Variants in ADD1 observed in about 807,000 individuals in gnomAD.
ADD1 encodes the protein adducin 1.
ADD1 carries 24 observed loss-of-function variants against 80.5 expected under a neutral mutation model. The observed-to-expected ratio is 0.30, with a 90% CI of 0.22 to 0.42. The LOEUF is 0.42. Among genes scored for constraint, ADD1 ranks in the 10% least tolerant of loss-of-function variants. The pLI, the probability that ADD1 is intolerant of heterozygous loss-of-function variation, is 1.00. For missense variants in ADD1, 948 were observed against 1,019.0 expected (o/e 0.93, Z 0.95); for synonymous variants, 373 against 393.8 (o/e 0.95, Z 0.63).
intron 1 of ADD1, among the ~76,000 whole-genome samples, chr4:2,863,853 G>C (rs961732776): frequency 6.6e-6 from 1 of 152,098 alleles, no homozygotes; most frequent in Non-Finnish European, 1.5e-5. Flanking sequence ...ACAGTCATGA[G>C]CCACTGTGCC....
intron 1 of ADD1, among the ~76,000 whole-genome samples, chr4:2,860,584 T>C (rs949904802): frequency 1.3e-5 from 2 of 152,216 alleles, no homozygotes; most frequent in Non-Finnish European, 2.9e-5. Context: ...TGTTCTTCCA[T>C]ATGTATTAAT....
intron 13 of ADD1, among the ~76,000 whole-genome samples, chr4:2,912,729 G>C (rs1249481013): frequency 6.6e-6 from 1 of 152,086 alleles, no homozygotes; most frequent in Non-Finnish European, 1.5e-5. Context: ...GTCTCACTAT[G>C]TTGCCCAGGC....
At chr4:2,862,023 T>C (rs56084393) in intron 1 of ADD1, among the ~76,000 whole-genome samples, 2 of 152,118 alleles carry the variant, frequency 1.3e-5, no homozygotes, top group Admixed American at 1.3e-4. Context: ...AGCCAAAAGA[T>C]TGGACACCCC....
At chr4:2,923,832 C>T (rs976435741) in intron 14 of ADD1, among the ~76,000 whole-genome samples, 1 of 152,354 alleles carries the variant, frequency 6.6e-6, no homozygotes, top group Non-Finnish European at 1.5e-5. Flanking sequence ...TCAGACAGGG[C>T]GGCTCGCGAG....
In ADD1 at chr4:2,908,354, C is replaced by T. The variant is rs569300732; in HGVS notation, c.1609-161C>T. Among the ~76,000 whole-genome samples the T allele has an allele frequency of 4.6e-5, 7 of 152,346 alleles. No homozygotes were observed. The East Asian group carries it at 5.8e-4, about 13-fold the overall frequency. On this transcript the variant is annotated intron_variant, in intron 11 of 15. Coordinates refer to ENST00000683351, the MANE Select transcript of ADD1 (RefSeq NM_001354761.2). ...CCCACGCCCCACTAAGCAGGCATGGCGGTCACTCAGAACACATGGGGCCAT... is the reference window on the plus strand; with the variant it reads ...CCCACGCCCCACTAAGCAGGCATGGTGGTCACTCAGAACACATGGGGCCAT...
chr4:2,852,189 T>TCCTTTC (rs371676635), intron 1 of ADD1, among the ~76,000 whole-genome samples: 1 of 50,828 alleles, frequency 2.0e-5, no homozygotes, highest in South Asian at 9.6e-4. Context: ...TTTCTTTCTT[T>TCCTTTC]CTTTCTTTCC....
intron 1 of ADD1, among the ~76,000 whole-genome samples, chr4:2,869,989 C>T (rs566531397): frequency 2.0e-5 from 3 of 152,308 alleles, no homozygotes; most frequent in Admixed American, 1.3e-4. Context: ...TTTGGGTCCT[C>T]TAGCAGGCAT....
chr4:2,845,326 C>T (rs1019124504), intron 1 of ADD1, among the ~76,000 whole-genome samples: 1 of 152,174 alleles, frequency 6.6e-6, no homozygotes, highest in Admixed American at 6.5e-5. Flanking sequence ...CCGCCTAGGC[C>T]TCCAAAAGTG....
intron 4 of ADD1, among the ~76,000 whole-genome samples, chr4:2,892,357 G>C (rs1734429471): frequency 6.6e-6 from 1 of 152,136 alleles, no homozygotes; most frequent in South Asian, 2.1e-4. Flanking sequence ...ATAAAAACTA[G>C]AATGAATATT....
chr4:2,845,525 G>C (rs777283972), intron 1 of ADD1, among the ~76,000 whole-genome samples: 2 of 152,198 alleles, frequency 1.3e-5, no homozygotes, highest in Admixed American at 6.5e-5. Context: ...GGTATGATTT[G>C]TTAGTTTTCT....
chr4:2,885,662 T>G (rs997392460), intron 4 of ADD1, among the ~76,000 whole-genome samples: 1 of 151,764 alleles, frequency 6.6e-6, no homozygotes, highest in South Asian at 2.1e-4. Flanking sequence ...CAGGCTGGAG[T>G]GCAGTGGTGC....
At chr4:2,869,598 A>T (rs1730104025) in intron 1 of ADD1, among the ~76,000 whole-genome samples, 1 of 152,102 alleles carries the variant, frequency 6.6e-6, no homozygotes, top group African/African-American at 2.4e-5. Flanking sequence ...ATCCTCTCTC[A>T]GTTCTTTCTA....
At chr4:2,907,936 A>G in intron 11 of ADD1, 92 bp downstream of exon 11, 2 of 972,214 alleles carry the variant, frequency 2.1e-6, no homozygotes, top group South Asian at 2.6e-5. Context: ...TGCTTCTAGC[A>G]GAGGGCATCT....
chr4:2,852,721 CAG>C (rs1260151669), intron 1 of ADD1, among the ~76,000 whole-genome samples: 1 of 118,504 alleles, frequency 8.4e-6, no homozygotes, highest in Non-Finnish European at 1.7e-5. Flanking sequence ...TTTTTGGAGA[CAG>C]AGTCTTGCTC....
chr4:2,905,007 A>C lies in ADD1; in HGVS notation c.1405A>C (p.Lys469Gln). Residue 469 changes from lysine to glutamine, a missense_variant, in exon 10 of 16, where the codon AAG becomes CAG. By Grantham distance (53) the Lys-to-Gln change is moderately conservative. Coordinates refer to ENST00000683351, the MANE Select transcript of ADD1 (RefSeq NM_001354761.2). ...EGQNGSSPKSKTKVWTNITHD... is the reference protein window; with the variant it reads ...EGQNGSSPKSQTKVWTNITHD... ...GCAGAATGGAAGCAGTCCCAAGTCG[A>C]AGACTAAGGTGTGGACGAACATTAC... is the stretch of plus-strand genomic sequence containing the variant. The C allele has an allele frequency of 6.2e-7, 1 of 1,614,210 alleles. No homozygotes were observed. The highest frequency in any genetic ancestry group is 8.5e-7 in the Non-Finnish European group (1 of 1,180,034).
chr4:2,926,033 A>C lies in ADD1; in HGVS notation c.1968A>C (p.Arg656Ser). ...CTGCAGAGAATCTGGACGAGGCTAG[A>C]GAACAGAAAGAAAAGAGTCCTCCAG... ...KGSEENLDEA[R>S]EQKEKSPPDQ... The change falls in exon 15 of 16, where the codon AGA (arginine) becomes AGC (serine). Residue 656 changes from arginine to serine, a missense_variant. Coordinates refer to ENST00000683351, the MANE Select transcript of ADD1 (RefSeq NM_001354761.2). The surrounding 1 kb of genome is among the most constrained non-coding windows in gnomAD (Gnocchi z 5.0). The C allele has an allele frequency of 6.2e-7, 1 of 1,614,144 alleles. No individual in the cohort carries two copies. The highest frequency in any genetic ancestry group is 2.2e-5 in the East Asian group (1 of 44,868).
chr4:2,897,565 T>A (rs59692453), intron 6 of ADD1, among the ~76,000 whole-genome samples: 25,225 of 130,146 alleles, frequency 0.19, 2,489 homozygotes, highest in East Asian at 0.47. Flanking sequence ...TTTTTTTTTT[T>A]AGGAGATGAG....
chr4:2,907,998 C>T (rs1260731839), intron 11 of ADD1, among the ~76,000 whole-genome samples, 154 bp downstream of exon 11: 1 of 152,228 alleles, frequency 6.6e-6, no homozygotes, highest in African/African-American at 2.4e-5. Context: ...CGCTGCTGTT[C>T]TACCACCAGT....
intron 15 of ADD1, among the ~76,000 whole-genome samples, chr4:2,927,211 G>A (rs1344006045): frequency 6.6e-6 from 1 of 152,232 alleles, no homozygotes; most frequent in East Asian, 1.9e-4. Context: ...ACCATGCCCA[G>A]CAGAGCGGGC....
Sources: allele counts gnomAD v4.1 joint callset (sites outside exome capture counted in the v4.1 genomes callset), GRCh38; gene constraint gnomAD v4.1.1; non-coding constraint Gnocchi (gnomAD v3.1); transcripts MANE v1.5; gene names NCBI Gene and HGNC (gene_info 2026-07-23, HGNC 2026-07-21).